The following TAF1 variants were observed in gnomAD, a reference collection of about 807,000 sequenced individuals.
The protein encoded by TAF1 is transcription initiation factor TFIID subunit 1.
In TAF1, 2 loss-of-function variants were observed where a neutral mutation model predicts 138.5. The observed-to-expected ratio is 0.01, with a 90% CI of 0.01 to 0.05. The LOEUF (loss-of-function observed/expected upper bound fraction) is 0.05. TAF1 is among the 10% of genes least tolerant of loss of function. The pLI, the probability that TAF1 is intolerant of heterozygous loss-of-function variation, is 1.00. For missense variants in TAF1, 709 were observed against 1,478.0 expected (o/e 0.48, Z 8.53); for synonymous variants, 437 against 503.2 (o/e 0.87, Z 1.76).
chrX:71,528,971 C>G (rs763218233), intron 14 of TAF1, among the ~76,000 whole-genome samples: 5 of 111,882 alleles, frequency 4.5e-5, no homozygotes, highest in Non-Finnish European at 9.4e-5. Flanking sequence ...TTTTACAATT[C>G]TTTAGCTAGA....
At chrX:71,526,277 G>C (rs1433362667) in intron 13 of TAF1, among the ~76,000 whole-genome samples, 1 of 111,665 alleles carries the variant, frequency 9.0e-6, no homozygotes, top group Non-Finnish European at 1.9e-5. Context: ...ACAAGATCAA[G>C]ATAAAACATT....
At chrX:71,495,461 T>C (rs764253952) in intron 13 of TAF1, among the ~76,000 whole-genome samples, 85 of 111,605 alleles carry the variant, frequency 7.6e-4, no homozygotes, top group African/African-American at 2.8e-3. Flanking sequence ...TTGAAAGGCA[T>C]TGTCTGATTT....
At chrX:71,447,469 G>A (rs1345082469) in intron 32 of TAF1, among the ~76,000 whole-genome samples, 4 of 110,563 alleles carry the variant, frequency 3.6e-5, no homozygotes, top group African/African-American at 1.3e-4. Context: ...TTGGGAGGCC[G>A]AGGCAGGTAG....
intron 32 of TAF1, among the ~76,000 whole-genome samples, chrX:71,444,440 T>A (rs2037586186): frequency 8.9e-6 from 1 of 111,944 alleles, no homozygotes; most frequent in African/African-American, 3.2e-5. Flanking sequence ...TCTTTCAGGC[T>A]AGGCACAGTG....
At chrX:71,379,218 C>T (rs1046576972) in intron 8 of TAF1, among the ~76,000 whole-genome samples, 187 bp downstream of exon 8, 4 of 106,107 alleles carry the variant, frequency 3.8e-5, no homozygotes, top group African/African-American at 6.9e-5. Flanking sequence ...CCAGTTCAAG[C>T]GGTTCTTCTG....
chrX:71,382,263 A>C (rs930352263), intron 9 of TAF1, among the ~76,000 whole-genome samples: 11 of 111,370 alleles, frequency 9.9e-5, no homozygotes, highest in African/African-American at 3.6e-4. Flanking sequence ...CTCATGTAGG[A>C]CTGTCGGAAA....
In TAF1 at chrX:71,423,994, A is replaced by C; in HGVS notation, c.4596A>C (p.Pro1532=). 1 of 1,207,865 alleles carries C rather than the reference A, an allele frequency of 8.3e-7. No individual in the cohort carries two copies. Among genetic ancestry groups the C allele is most frequent in the Non-Finnish European group, 1.1e-6 (1 of 893,268 alleles). ...AVPDSWPFHH[P]VNKKFVPDYY... ...ACTAGTCTTGGCCATTTCATCACCC[A>C]GTTAATAAGAAATTTGTTCCAGATT... The change falls in exon 31 of 38, where the codon CCA becomes CCC. Residue 1532 remains proline, a synonymous_variant. Coordinates refer to ENST00000423759, the MANE Select transcript of TAF1 (RefSeq NM_004606.5).
intron 35 of TAF1, chrX:71,459,054 T>G: frequency 1.8e-6 from 1 of 565,154 alleles, no homozygotes; most frequent in Non-Finnish European, 2.6e-6. Context: ...TTGGCTGGGA[T>G]ATCAGGGAGG....
chrX:71,368,715 G>T (rs2032758203), intron 3 of TAF1: 1 of 103,178 alleles, frequency 9.7e-6, no homozygotes, highest in Admixed American at 1.1e-4. Flanking sequence ...GGGAGGCTGA[G>T]GCAGGAGAAT....
intron 13 of TAF1, among the ~76,000 whole-genome samples, chrX:71,517,738 G>C (rs1456879888): frequency 8.9e-6 from 1 of 112,143 alleles, no homozygotes; most frequent in South Asian, 3.7e-4. Flanking sequence ...TCCATGGAAA[G>C]TGTAAGAAAA....
chrX:71,424,488 C>G (rs2036505586), intron 32 of TAF1, among the ~76,000 whole-genome samples: 1 of 97,402 alleles, frequency 1.0e-5, no homozygotes, highest in Non-Finnish European at 2.0e-5. Flanking sequence ...CTCAAGCAAT[C>G]CTCCCACCTC....
At chrX:71,421,286 C>T in intron 28 of TAF1, 23 bp from the exon 29 acceptor site, 2 of 1,194,202 alleles carry the variant, frequency 1.7e-6, no homozygotes, top group Non-Finnish European at 2.3e-6. Flanking sequence ...TTAGTGGTTT[C>T]ATCTCTTTCT....
rs748420042 is a variant in TAF1, at chrX:71,388,381, C to T, written c.2569+3C>T. 1.7e-5 allele frequency: 21 copies of T among 1,200,939 alleles called. No homozygotes were observed. Among genetic ancestry groups the T allele is most frequent in the South Asian group, 3.7e-5 (2 of 54,475 alleles). ...CTGCGCTGACTTCAAACGCACAGGT[C>T]GTCTGTTGTGACTAGTTATTTGTCT... is the stretch of plus-strand genomic sequence containing the variant. On this transcript the variant is annotated splice_donor_region_variant and intron_variant, in intron 16 of 37. Transcript: ENST00000423759.
chrX:71,391,632 T>C (rs2034570531), intron 18 of TAF1, among the ~76,000 whole-genome samples: 1 of 103,402 alleles, frequency 9.7e-6, no homozygotes, highest in Non-Finnish European at 2.0e-5. Flanking sequence ...ATATACTCTT[T>C]TTTTTTTTTT....
At chrX:71,396,265 A>G (rs1265402380) in intron 22 of TAF1, among the ~76,000 whole-genome samples, 2 of 100,113 alleles carry the variant, frequency 2.0e-5, no homozygotes, top group Non-Finnish European at 4.1e-5. Flanking sequence ...TTGTAGTGCC[A>G]TTTTCCCCCC....
At chrX:71,511,503 T>C (rs1432231049) in intron 13 of TAF1, among the ~76,000 whole-genome samples, 1 of 112,599 alleles carries the variant, frequency 8.9e-6, no homozygotes, top group Non-Finnish European at 1.9e-5. Context: ...TTCAATCCCA[T>C]CTTCAAGGAG....
At chrX:71,529,441 C>T (rs1172100791) in intron 14 of TAF1, 5 of 210,461 alleles carry the variant, frequency 2.4e-5, no homozygotes, top group Non-Finnish European at 4.4e-5. Context: ...CTGATTGGTG[C>T]GTTTTACAAT....
intron 29 of TAF1, among the ~76,000 whole-genome samples, chrX:71,422,890 C>T (rs1027740601): frequency 1.4e-4 from 15 of 110,746 alleles, no homozygotes; most frequent in African/African-American, 4.6e-4. Flanking sequence ...TAGGCGCCCG[C>T]CACCACGCCC....
intron 25 of TAF1, among the ~76,000 whole-genome samples, chrX:71,402,403 T>C (rs1337546398): frequency 2.7e-5 from 3 of 112,238 alleles, no homozygotes; most frequent in Non-Finnish European, 5.6e-5. Flanking sequence ...GGGATTACCA[T>C]GCCCGGCCTA....
Sources: allele counts gnomAD v4.1 joint callset (sites outside exome capture counted in the v4.1 genomes callset), GRCh38; gene constraint gnomAD v4.1.1; transcripts MANE v1.5; gene names NCBI Gene and HGNC (gene_info 2026-07-23, HGNC 2026-07-21).